Variants in NXPH2 observed in about 807,000 individuals in gnomAD.
The protein encoded by NXPH2 is neurexophilin 2.
In NXPH2, 5 loss-of-function variants were observed where a neutral mutation model predicts 19.8. The observed-to-expected ratio is 0.25, with a 90% CI of 0.13 to 0.53. The LOEUF (loss-of-function observed/expected upper bound fraction) is 0.53. NXPH2 is among the 20% of genes least tolerant of loss of function. The pLI is 0.96. For synonymous variants in NXPH2, 154 were observed against 127.4 expected, an observed-to-expected ratio of 1.21 and a Z score of -1.41; for missense variants, 289 against 322.8, an observed-to-expected ratio of 0.90 and a Z score of 0.80.
At chr2:138,729,017 T>A (rs1681403887) in intron 1 of NXPH2, among the ~76,000 whole-genome samples, 1 of 152,210 alleles carries the variant, frequency 6.6e-6, no homozygotes, top group South Asian at 2.1e-4. Flanking sequence ...CTTCTATTTC[T>A]TTTCATACAT....
chr2:138,768,215 T>G (rs1341946860), intron 1 of NXPH2, among the ~76,000 whole-genome samples: 1 of 152,144 alleles, frequency 6.6e-6, no homozygotes, highest in Non-Finnish European at 1.5e-5. Flanking sequence ...CTCTTTGTCC[T>G]TTTTTTCCTG....
intron 1 of NXPH2, among the ~76,000 whole-genome samples, chr2:138,672,892 A>G (rs1330400727): frequency 6.6e-6 from 1 of 152,220 alleles, no homozygotes; most frequent in African/African-American, 2.4e-5. Context: ...ACTAGACGGT[A>G]TAGTTTGATA....
chr2:138,751,043 T>A (rs376216915), intron 1 of NXPH2, among the ~76,000 whole-genome samples: 9 of 84,550 alleles, frequency 1.1e-4, no homozygotes, highest in African/African-American at 4.1e-4. Flanking sequence ...CACCCCCATC[T>A]CTTTCTCATT....
At chr2:138,692,528 T>G (rs1680760993) in intron 1 of NXPH2, among the ~76,000 whole-genome samples, 1 of 152,184 alleles carries the variant, frequency 6.6e-6, no homozygotes, top group African/African-American at 2.4e-5. Flanking sequence ...AGAGAATTCT[T>G]GAAGATTAAT....
At chr2:138,745,228 A>G (rs1487097589) in intron 1 of NXPH2, among the ~76,000 whole-genome samples, 1 of 152,216 alleles carries the variant, frequency 6.6e-6, no homozygotes, top group Non-Finnish European at 1.5e-5. Context: ...AGTGAGGGCC[A>G]TTCCCTGAAA....
At chr2:138,705,615 C>T (rs1414448318) in intron 1 of NXPH2, among the ~76,000 whole-genome samples, 1 of 152,156 alleles carries the variant, frequency 6.6e-6, no homozygotes, top group Non-Finnish European at 1.5e-5. Context: ...AGTTGGTCAT[C>T]CTGCCTGTCT....
rs548829657 is a variant in NXPH2 at position 138,687,122 on chromosome 2, C to T, written c.52-15457G>A. Among the ~76,000 whole-genome samples, 98 of 152,318 alleles carry T rather than the reference C, an allele frequency of 6.4e-4. No homozygotes were observed. The Middle Eastern group carries it at 0.027, about 42-fold the overall frequency. ...TTCTAGTTCTAGATCCTTGAGGAAT[C>T]GCCACACTGTCTTCCACAATGGTTG... is the stretch of plus-strand genomic sequence containing the variant. On this transcript the variant is annotated intron_variant, in intron 1 of 1. Transcript: ENST00000272641.
chr2:138,760,235 T>C (rs543386887), intron 1 of NXPH2, among the ~76,000 whole-genome samples: 1 of 152,254 alleles, frequency 6.6e-6, no homozygotes, highest in South Asian at 2.1e-4. Flanking sequence ...ATAAATAGGC[T>C]ACCTCCCGCC....
intron 1 of NXPH2, among the ~76,000 whole-genome samples, chr2:138,768,549 G>A (rs920199293): frequency 6.6e-6 from 1 of 152,060 alleles, no homozygotes; most frequent in Non-Finnish European, 1.5e-5. Context: ...GTAGAGACAG[G>A]GAAAAAATGG....
At chr2:138,770,828 A>G (rs1682164994) in intron 1 of NXPH2, among the ~76,000 whole-genome samples, 1 of 152,106 alleles carries the variant, frequency 6.6e-6, no homozygotes, top group Admixed American at 6.5e-5. Flanking sequence ...AAAAACTGAA[A>G]CACAGGAAAT....
intron 1 of NXPH2, among the ~76,000 whole-genome samples, chr2:138,754,354 T>G (rs1349237114): frequency 2.0e-5 from 3 of 152,268 alleles, no homozygotes; most frequent in South Asian, 4.1e-4. Context: ...TCCCCTTCCC[T>G]CTGAACCTTT....
intron 1 of NXPH2, among the ~76,000 whole-genome samples, chr2:138,771,574 T>G: frequency 6.6e-6 from 1 of 152,152 alleles, no homozygotes; most frequent in Admixed American, 6.5e-5. Context: ...ACAGAAGCAC[T>G]TCCGGGGAAG....
chr2:138,744,330 C>T (rs1190456433), intron 1 of NXPH2, among the ~76,000 whole-genome samples: 2 of 151,724 alleles, frequency 1.3e-5, no homozygotes, highest in South Asian at 2.1e-4. Context: ...TGTTTTCCGT[C>T]AAAATAAATA....
chr2:138,711,397 T>C (rs1270671405), intron 1 of NXPH2, among the ~76,000 whole-genome samples: 1 of 152,070 alleles, frequency 6.6e-6, no homozygotes, highest in Non-Finnish European at 1.5e-5. Context: ...CACCTCAGCC[T>C]CCCAAAGTGC....
intron 1 of NXPH2, among the ~76,000 whole-genome samples, chr2:138,771,700 G>A (rs193149449): frequency 2.0e-5 from 3 of 152,256 alleles, no homozygotes; most frequent in Admixed American, 1.3e-4. Flanking sequence ...AGGGAAGACC[G>A]AGATTATCTG....
Position 138,697,359 on chromosome 2 carries a change from A to C in NXPH2, c.52-25694T>G, listed in dbSNP as rs1680843820. On this transcript the variant is annotated intron_variant, in intron 1 of 1. Coordinates refer to ENST00000272641, the MANE Select transcript of NXPH2 (RefSeq NM_007226.3). ...TTATACCTTTTAGAAGCTTATTAAA[A>C]ATTTGAAATAAATGATGCCCAGAAT... is the stretch of plus-strand genomic sequence containing the variant. Among the ~76,000 whole-genome samples, 4 of 152,128 alleles carry C rather than the reference A, an allele frequency of 2.6e-5. No individual in the cohort carries two copies. In the South Asian group the frequency reaches 8.3e-4, roughly 31 times the overall value.
chr2:138,774,226 G>A (rs1051577119), intron 1 of NXPH2, among the ~76,000 whole-genome samples: 12 of 152,238 alleles, frequency 7.9e-5, no homozygotes, highest in South Asian at 4.2e-4. Flanking sequence ...AAAATGGTAT[G>A]GGGGAAGAAA....
intron 1 of NXPH2, among the ~76,000 whole-genome samples, chr2:138,684,719 G>C (rs1002960983): frequency 6.6e-6 from 1 of 152,094 alleles, no homozygotes; most frequent in East Asian, 1.9e-4. Context: ...GACTGTTCCG[G>C]GCAGGAGCAA....
intron 1 of NXPH2, among the ~76,000 whole-genome samples, chr2:138,744,937 A>G (rs573079443): frequency 1.3e-5 from 2 of 152,284 alleles, no homozygotes; most frequent in East Asian, 3.9e-4. Flanking sequence ...CAGGACTCTT[A>G]GCCACGCAGG....
Sources: allele counts gnomAD v4.1 joint callset (sites outside exome capture counted in the v4.1 genomes callset), GRCh38; gene constraint gnomAD v4.1.1; transcripts MANE v1.5; gene names NCBI Gene and HGNC (gene_info 2026-07-23, HGNC 2026-07-21).